Variants in MTA3 observed in about 807,000 individuals in gnomAD.
MTA3 encodes the protein metastasis associated 1 family member 3.
MTA3 carries 34 observed loss-of-function variants against 83.5 expected under a neutral mutation model. The ratio of observed to expected loss-of-function variants is 0.41; its 90% CI spans 0.31 to 0.54. MTA3 has a LOEUF of 0.54. MTA3 is among the 20% of genes least tolerant of loss of function. The pLI, the probability that MTA3 is intolerant of heterozygous loss-of-function variation, is 0.33. For synonymous variants in MTA3, 303 were observed against 252.7 expected, an observed-to-expected ratio of 1.20 and a Z score of -1.89; for missense variants, 761 against 726.4, an observed-to-expected ratio of 1.05 and a Z score of -0.55.
intron 2 of MTA3, among the ~76,000 whole-genome samples, chr2:42,543,508 G>A (rs944095207): frequency 6.9e-6 from 1 of 145,540 alleles, no homozygotes; most frequent in Non-Finnish European, 1.5e-5. Context: ...TGTTTGAGAC[G>A]GGGTCTCACT....
chr2:42,682,915 A>T (rs764171094), intron 9 of MTA3, among the ~76,000 whole-genome samples: 69 of 152,262 alleles, frequency 4.5e-4, no homozygotes, highest in African/African-American at 9.4e-4. Flanking sequence ...TACTGAAAAT[A>T]TAAAAAACTC....
intron 4 of MTA3, among the ~76,000 whole-genome samples, chr2:42,631,543 A>G (rs904417049): frequency 2.0e-5 from 3 of 152,086 alleles, no homozygotes; most frequent in African/African-American, 7.2e-5. Context: ...ATAGGTGTAT[A>G]TATTCATGTG....
chr2:42,690,229 A>G (rs1558585564), intron 9 of MTA3, among the ~76,000 whole-genome samples: 1 of 152,240 alleles, frequency 6.6e-6, no homozygotes, highest in Non-Finnish European at 1.5e-5. Flanking sequence ...TTCTTCCAAT[A>G]TAAGCACTTA....
At chr2:42,625,096 A>G (rs187631367) in intron 4 of MTA3, among the ~76,000 whole-genome samples, 13 of 152,090 alleles carry the variant, frequency 8.5e-5, no homozygotes, top group African/African-American at 3.1e-4. Flanking sequence ...CAGTGGCGCC[A>G]TCTCGGCTCA....
rs143595013 is a variant in MTA3, at chr2:42,650,213, T to C, written c.499+5969T>C. On this transcript the variant is annotated intron_variant, in intron 6 of 16. Coordinates refer to ENST00000405094, the MANE Select transcript of MTA3 (RefSeq NM_001330442.2). ...TTTGTCCTCCAGGAGAATTAGACAA[T>C]ATGTAGACATTTTAGTTGTCACGTC... 2.6e-5 allele frequency among the ~76,000 whole-genome samples: 4 copies of C among 152,268 alleles called. No homozygotes were observed. In the East Asian group the frequency reaches 7.7e-4, roughly 29 times the overall value.
rs1016837469 is a variant in MTA3 at position 42,682,876 on chromosome 2, G to C, written c.891+287G>C. ...TCACAAGGTCAGGAGTTCGAGACCAGCCTGGCCAATGTGGTGAAACCCCAT... is the reference window on the plus strand; with the variant it reads ...TCACAAGGTCAGGAGTTCGAGACCACCCTGGCCAATGTGGTGAAACCCCAT... On this transcript the variant is annotated intron_variant, in intron 9 of 16. Transcript: ENST00000405094. 3.9e-5 allele frequency among the ~76,000 whole-genome samples: 6 copies of C among 152,258 alleles called. 1 individual carries two copies. The East Asian group carries it at 1.2e-3, about 29-fold the overall frequency.
intron 8 of MTA3, among the ~76,000 whole-genome samples, chr2:42,665,423 A>G (rs765255371): frequency 1.3e-5 from 2 of 152,150 alleles, no homozygotes; most frequent in Non-Finnish European, 2.9e-5. Flanking sequence ...GTAGGTTTAC[A>G]GTACTTACAT....
intron 4 of MTA3, among the ~76,000 whole-genome samples, chr2:42,626,221 GC>G (rs200282173): frequency 0.014 from 2,100 of 150,582 alleles, 89 homozygotes; most frequent in African/African-American, 0.048. Flanking sequence ...GGGATTACAG[GC>G]GTGAACCACC....
chr2:42,496,730 C>G (rs1052188259), intron 2 of MTA3, among the ~76,000 whole-genome samples: 1 of 152,182 alleles, frequency 6.6e-6, no homozygotes, highest in African/African-American at 2.4e-5. Context: ...CTGGCAGAGG[C>G]TAGAATCAGG....
At chr2:42,527,254 C>G (rs1675759805) in intron 2 of MTA3, among the ~76,000 whole-genome samples, 1 of 152,002 alleles carries the variant, frequency 6.6e-6, no homozygotes, top group Non-Finnish European at 1.5e-5. Flanking sequence ...GCTGTGTTGA[C>G]CAATCAACAC....
chr2:42,717,097 C>A (rs1344592999), intron 14 of MTA3, among the ~76,000 whole-genome samples: 1 of 142,706 alleles, frequency 7.0e-6, no homozygotes, highest in African/African-American at 2.6e-5. Flanking sequence ...GCTCTTTTGC[C>A]ATCTTCGGTT....
At chr2:42,620,457 C>G (rs1251274750) in intron 4 of MTA3, among the ~76,000 whole-genome samples, 1 of 152,112 alleles carries the variant, frequency 6.6e-6, no homozygotes, top group African/African-American at 2.4e-5. Flanking sequence ...CAGAAGTACA[C>G]CTAAACCCAC....
At chr2:42,527,052 CAAAAAAAAAA>C (rs34030475) in intron 2 of MTA3, among the ~76,000 whole-genome samples, 3 of 45,324 alleles carry the variant, frequency 6.6e-5, no homozygotes, top group South Asian at 1.1e-3. Context: ...GACTCTGTCT[CAAAAAAAAAA>C]AAAAAAAAAA....
chr2:42,754,216 C>T lies in MTA3; in HGVS notation c.*817C>T, dbSNP rs1276968896. 8 of 985,386 alleles carry T rather than the reference C, an allele frequency of 8.1e-6. No individual in the cohort carries two copies. The highest frequency in any genetic ancestry group is 1.7e-5 in the African/African-American group (1 of 57,246). The allele number at this position is 985,386 out of a possible 1,614,324, so 61.0% of individuals were successfully genotyped here. On this transcript the variant is annotated 3_prime_UTR_variant, in exon 17 of 17. Coordinates refer to ENST00000405094, the MANE Select transcript of MTA3 (RefSeq NM_001330442.2). ...GTTTGCTTACTGCCCTGTTCCCTTG[C>T]AGCCAAACCAGCTGATGAAGAACTG... is the stretch of plus-strand genomic sequence containing the variant.
chr2:42,697,916 C>A, intron 11 of MTA3, 82 bp downstream of exon 11: 1 of 1,032,756 alleles, frequency 9.7e-7, no homozygotes, highest in Non-Finnish European at 1.4e-6. Context: ...TCAGTTTCAG[C>A]AAAATTTGAA....
intron 14 of MTA3, 68 bp from the exon 15 acceptor site, chr2:42,718,920 G>A (rs764296445): frequency 8.9e-7 from 1 of 1,126,024 alleles, no homozygotes; most frequent in Non-Finnish European, 1.3e-6. Flanking sequence ...CTTTATTTCT[G>A]TGGTGCATGT....
intron 3 of MTA3, among the ~76,000 whole-genome samples, chr2:42,606,966 G>C (rs999365689): frequency 6.0e-5 from 9 of 150,882 alleles, no homozygotes; most frequent in African/African-American, 2.2e-4. Flanking sequence ...GCATTCGGCA[G>C]ACTGAGGCAG....
intron 9 of MTA3, among the ~76,000 whole-genome samples, chr2:42,695,489 A>G (rs186951371): frequency 8.9e-4 from 136 of 152,060 alleles, no homozygotes; most frequent in African/African-American, 3.1e-3. Flanking sequence ...ACAAAAAATT[A>G]GCTGGGCATG....
intron 4 of MTA3, among the ~76,000 whole-genome samples, chr2:42,639,590 G>A (rs990166554): frequency 1.3e-5 from 2 of 152,118 alleles, no homozygotes; most frequent in Admixed American, 6.5e-5. Context: ...TGGATCTGTC[G>A]ATGTTTATTT....
Sources: allele counts gnomAD v4.1 joint callset (sites outside exome capture counted in the v4.1 genomes callset), GRCh38; gene constraint gnomAD v4.1.1; transcripts MANE v1.5; gene names NCBI Gene and HGNC (gene_info 2026-07-23, HGNC 2026-07-21).